FSTL4: variants seen among roughly 807,000 people sequenced by gnomAD.
FSTL4 encodes follistatin-related protein 4.
Under a neutral mutation model 78.2 loss-of-function variants are expected in FSTL4, and 28 were observed. The observed-to-expected ratio is 0.36, with a 90% confidence interval of 0.27 to 0.49. FSTL4 has a LOEUF of 0.49. FSTL4 is among the 20% of genes least tolerant of loss of function. The pLI is 0.98. For synonymous variants in FSTL4, 422 were observed against 440.5 expected (o/e 0.96, Z 0.53); for missense variants, 922 against 1,084.9 (o/e 0.85, Z 2.11).
the FSTL4 span, among the ~76,000 whole-genome samples, chr5:133,671,256 C>T: frequency 5.3e-4 from 81 of 152,038 alleles, no homozygotes; most frequent in Admixed American, 2.8e-3. Context: ...CCAGATGAGC[C>T]CTGCCTAAAT....
At chr5:133,686,801 A>G in the FSTL4 span, among the ~76,000 whole-genome samples, 1 of 152,146 alleles carries the variant, frequency 6.6e-6, no homozygotes, top group Non-Finnish European at 1.5e-5. Flanking sequence ...GTGCATCAGG[A>G]ATTAAGGTGT....
At chr5:133,679,191 A>G in the FSTL4 span, among the ~76,000 whole-genome samples, 5 of 152,144 alleles carry the variant, frequency 3.3e-5, no homozygotes, top group Non-Finnish European at 5.9e-5. Context: ...TTAGAGCCCA[A>G]GGTTTTAATC....
intron 14 of FSTL4, among the ~76,000 whole-genome samples, chr5:133,203,364 T>C (rs1387436291): frequency 3.9e-5 from 6 of 152,238 alleles, no homozygotes; most frequent in African/African-American, 1.4e-4. Context: ...TGGATGCTTC[T>C]ACTTTTTAGG....
chr5:133,348,530 G>C (rs1410033921), intron 4 of FSTL4, among the ~76,000 whole-genome samples: 1 of 152,220 alleles, frequency 6.6e-6, no homozygotes, highest in Admixed American at 6.5e-5. Context: ...GGATGCCATG[G>C]GAAAGGGGCT....
At chr5:133,451,900 T>C (rs1446776716) in intron 3 of FSTL4, among the ~76,000 whole-genome samples, 1 of 152,246 alleles carries the variant, frequency 6.6e-6, no homozygotes, top group African/African-American at 2.4e-5. Context: ...GCGCATGAGC[T>C]ATAGGCACCA....
the FSTL4 span, among the ~76,000 whole-genome samples, chr5:133,678,340 C>T: frequency 1.3e-5 from 2 of 152,122 alleles, no homozygotes; most frequent in Non-Finnish European, 2.9e-5. Flanking sequence ...AATGACAGCT[C>T]AGACTTGGGG....
chr5:133,253,908 C>T (rs985258888), intron 6 of FSTL4, among the ~76,000 whole-genome samples: 10 of 152,190 alleles, frequency 6.6e-5, no homozygotes, highest in East Asian at 5.8e-4. Flanking sequence ...CAGACCTCAG[C>T]GTGGGCCTGC....
intron 3 of FSTL4, among the ~76,000 whole-genome samples, chr5:133,489,588 T>C (rs115268420): frequency 1.3e-5 from 2 of 152,268 alleles, no homozygotes; most frequent in African/African-American, 2.4e-5. Flanking sequence ...TAAGAAGACA[T>C]GCAAAGAGCC....
chr5:133,739,255 A>G, the FSTL4 span, among the ~76,000 whole-genome samples: 1 of 152,002 alleles, frequency 6.6e-6, no homozygotes, highest in Non-Finnish European at 1.5e-5. Flanking sequence ...ACAGAGCCTA[A>G]GAAACCAATG....
chr5:133,386,886 A>G (rs1426088400), intron 4 of FSTL4, among the ~76,000 whole-genome samples: 21 of 152,180 alleles, frequency 1.4e-4, no homozygotes, highest in Non-Finnish European at 1.5e-5. Context: ...CCACGTGGAG[A>G]CAGCCACTGA....
the FSTL4 span, among the ~76,000 whole-genome samples, chr5:133,750,205 C>A: frequency 6.6e-6 from 1 of 152,096 alleles, no homozygotes; most frequent in Non-Finnish European, 1.5e-5. Context: ...CCAGAGGGAC[C>A]CTAAGACATC....
chr5:133,475,831 A>C (rs150258044), intron 3 of FSTL4, among the ~76,000 whole-genome samples: 9 of 152,250 alleles, frequency 5.9e-5, no homozygotes, highest in African/African-American at 1.4e-4. Flanking sequence ...CTGTGAGTGA[A>C]TCTGCATTCG....
the FSTL4 span, among the ~76,000 whole-genome samples, chr5:133,672,674 C>T: frequency 5.9e-5 from 9 of 152,154 alleles, no homozygotes; most frequent in African/African-American, 2.2e-4. Context: ...GGGTTCAAAG[C>T]ATCTATGGAG....
At chr5:133,444,227 C>G (rs1446236493) in intron 3 of FSTL4, among the ~76,000 whole-genome samples, 1 of 152,214 alleles carries the variant, frequency 6.6e-6, no homozygotes, top group East Asian at 1.9e-4. Context: ...GATAGGTAGG[C>G]ACCTTCTTGC....
chr5:133,535,888 T>C (rs1759342119), intron 3 of FSTL4, among the ~76,000 whole-genome samples: 2 of 152,194 alleles, frequency 1.3e-5, no homozygotes, highest in African/African-American at 4.8e-5. Context: ...CTCATACTAA[T>C]GAGTGTCGTC....
intron 3 of FSTL4, among the ~76,000 whole-genome samples, chr5:133,406,596 A>T (rs1002477092): frequency 3.3e-5 from 5 of 152,122 alleles, no homozygotes; most frequent in Admixed American, 1.3e-4. Flanking sequence ...GTCCACCTCC[A>T]CCCTGTAACG....
chr5:133,733,834 C>T, the FSTL4 span, among the ~76,000 whole-genome samples: 4,512 of 152,252 alleles, frequency 0.03, 223 homozygotes, highest in African/African-American at 0.1. Context: ...GCTGGGGCTG[C>T]GGACTCATTC....
Position 133,481,513 on chromosome 5 carries a change from GC to G in FSTL4, c.161-80528del, listed in dbSNP as rs1365253799. Among the ~76,000 whole-genome samples, 50 of 132,800 alleles carry G rather than the reference GC, an allele frequency of 3.8e-4. 1 individual carries two copies. The highest frequency in any genetic ancestry group is 7.6e-5 in the Non-Finnish European group (5 of 65,678). The allele number at this position is 132,800 out of a possible 152,430, so 87.1% of individuals were successfully genotyped here. ...GCCAAGATTGCGCCCCTGCACTCCA[GC>G]CCGGGTGACAGAGTGAGACTGTCTC... On this transcript the variant is annotated intron_variant, in intron 3 of 15. Coordinates refer to ENST00000265342, the MANE Select transcript of FSTL4 (RefSeq NM_015082.2).
chr5:133,221,512 G>A (rs967465362), intron 11 of FSTL4, among the ~76,000 whole-genome samples: 1 of 151,924 alleles, frequency 6.6e-6, no homozygotes, highest in Non-Finnish European at 1.5e-5. Flanking sequence ...GCTGTCTGGG[G>A]AGAAGGTCTA....
Sources: gnomAD v4.1 joint callset for allele counts (sites outside exome capture counted in the v4.1 genomes callset) on GRCh38, gnomAD v4.1.1 for gene constraint, MANE v1.5 for transcripts, NCBI Gene and HGNC (gene_info 2026-07-23, HGNC 2026-07-21) for gene names.